Variants in CTNNA3 observed in about 807,000 individuals in gnomAD.
CTNNA3 encodes catenin alpha 3.
In CTNNA3, 76 loss-of-function variants were observed where a neutral mutation model predicts 95.7. The observed-to-expected ratio is 0.79, with a 90% CI of 0.66 to 0.96. The LOEUF (loss-of-function observed/expected upper bound fraction) is 0.96, where lower values mean the gene tolerates loss of function less well. Among genes scored for constraint, CTNNA3 ranks in the 40% least tolerant of loss-of-function variants. The pLI is 0.00. For missense variants in CTNNA3, 1,191 were observed against 1,089.8 expected (o/e 1.09, Z -1.31); for synonymous variants, 431 against 374.4 (o/e 1.15, Z -1.74).
intron 7 of CTNNA3, among the ~76,000 whole-genome samples, chr10:67,114,709 G>GGGGTGTGTGTGTGTGTGTGTGT (rs1554924160): frequency 6.9e-6 from 1 of 144,754 alleles, no homozygotes; most frequent in Non-Finnish European, 1.5e-5. Flanking sequence ...GGTTCTTAAA[G>GGGGTGTGTGTGTGTGTGTGTGT]GTGTGTGTGT....
chr10:67,275,531 C>T (rs748529472), intron 5 of CTNNA3, among the ~76,000 whole-genome samples: 33 of 150,516 alleles, frequency 2.2e-4, no homozygotes, highest in African/African-American at 6.3e-4. Context: ...TATAAAAAAC[C>T]GAAGAAATTG....
At chr10:66,710,815 A>T (rs937970185) in intron 9 of CTNNA3, among the ~76,000 whole-genome samples, 1 of 151,588 alleles carries the variant, frequency 6.6e-6, no homozygotes, top group African/African-American at 2.4e-5. Context: ...TTATAATTCA[A>T]CATTGAAACA....
In CTNNA3 at chr10:66,608,881, A is replaced by C. The variant is rs144844881; in HGVS notation, c.1374+12811T>G. 1.2e-3 allele frequency among the ~76,000 whole-genome samples: 184 copies of C among 152,306 alleles called. 1 individual carries two copies. Among genetic ancestry groups the C allele is most frequent in the African/African-American group, 4.0e-3 (166 of 41,582 alleles). ...TACCATGTTGGACACAGGAATGGGC[A>C]AAGATTTCATGACAAAGACACTAAA... On this transcript the variant is annotated intron_variant, in intron 10 of 17. Coordinates refer to ENST00000433211, the MANE Select transcript of CTNNA3 (RefSeq NM_013266.4).
At chr10:65,925,639 A>G (rs1322611062) in intron 17 of CTNNA3, among the ~76,000 whole-genome samples, 1 of 151,846 alleles carries the variant, frequency 6.6e-6, no homozygotes, top group Non-Finnish European at 1.5e-5. Flanking sequence ...TTTTCACCAT[A>G]TTGGCTAGGT....
At chr10:66,198,365 T>C (rs1430251607) in intron 13 of CTNNA3, among the ~76,000 whole-genome samples, 2 of 152,170 alleles carry the variant, frequency 1.3e-5, no homozygotes, top group Non-Finnish European at 2.9e-5. Context: ...GTTTTGCAAA[T>C]TCTTTCATGG....
chr10:66,803,648 T>C (rs1389390619), intron 7 of CTNNA3, among the ~76,000 whole-genome samples: 1 of 152,014 alleles, frequency 6.6e-6, no homozygotes, highest in Non-Finnish European at 1.5e-5. Context: ...CTTGCATAAA[T>C]ATCTCATTTA....
chr10:66,040,376 G>A (rs1202304147), intron 15 of CTNNA3, among the ~76,000 whole-genome samples: 1 of 152,000 alleles, frequency 6.6e-6, no homozygotes, highest in Non-Finnish European at 1.5e-5. Context: ...CCATTACTGG[G>A]TAAATACTCA....
Position 66,927,575 on chromosome 10 carries a change from T to C in CTNNA3, c.1048-152051A>G. 1 of 1,614,164 alleles carries C rather than the reference T, an allele frequency of 6.2e-7. No homozygotes were observed. The highest frequency in any genetic ancestry group is 8.5e-7 in the Non-Finnish European group (1 of 1,180,042). On this transcript the variant is annotated intron_variant, in intron 7 of 17. Coordinates refer to ENST00000433211, the MANE Select transcript of CTNNA3 (RefSeq NM_013266.4). This position sits in a 1 kb window ranked among gnomAD's most constrained non-coding sequence, Gnocchi z 4.7. ...CTGGAGCACAATCAATTTTCCAAGC[T>C]CAACCTGGCCCTTTTTCCAAGGTTG...
chr10:66,736,831 G>T (rs952161250), intron 9 of CTNNA3, among the ~76,000 whole-genome samples: 1 of 152,000 alleles, frequency 6.6e-6, no homozygotes. Flanking sequence ...ATAGATTTAG[G>T]TTGCTTATAT....
chr10:66,146,376 GATACTTT>G (rs1489421528), intron 13 of CTNNA3, among the ~76,000 whole-genome samples: 2 of 152,108 alleles, frequency 1.3e-5, no homozygotes, highest in Non-Finnish European at 2.9e-5. Context: ...CTGAGTAATA[GATACTTT>G]ATTTAACAGG....
intron 17 of CTNNA3, among the ~76,000 whole-genome samples, chr10:65,932,531 C>A (rs1230885598): frequency 6.6e-6 from 1 of 152,096 alleles, no homozygotes; most frequent in East Asian, 1.9e-4. Context: ...AATTTCAGTG[C>A]CTTGCCCAAG....
intron 12 of CTNNA3, among the ~76,000 whole-genome samples, chr10:66,340,550 A>G (rs1477709869): frequency 6.6e-6 from 1 of 151,862 alleles, no homozygotes; most frequent in Non-Finnish European, 1.5e-5. Context: ...AGGAGCCTAT[A>G]CTATTTACAT....
At chr10:67,370,723 G>T (rs1031356396) in intron 5 of CTNNA3, among the ~76,000 whole-genome samples, 3 of 152,070 alleles carry the variant, frequency 2.0e-5, no homozygotes. Context: ...CATATTTTCT[G>T]TGGATAAGGA....
At chr10:67,319,278 CTT>C (rs1841204410) in intron 5 of CTNNA3, among the ~76,000 whole-genome samples, 2 of 152,116 alleles carry the variant, frequency 1.3e-5, no homozygotes, top group African/African-American at 2.4e-5. Flanking sequence ...TCCCTTTTCT[CTT>C]TGTGGATCTC....
chr10:66,521,411 G>A (rs974397791), intron 10 of CTNNA3, among the ~76,000 whole-genome samples: 1 of 151,930 alleles, frequency 6.6e-6, no homozygotes, highest in African/African-American at 2.4e-5. Context: ...GGTGAGAAAT[G>A]GATGCCTTTA....
chr10:67,027,754 G>A (rs1423704030), intron 7 of CTNNA3, among the ~76,000 whole-genome samples: 1 of 152,022 alleles, frequency 6.6e-6, no homozygotes, highest in Non-Finnish European at 1.5e-5. Flanking sequence ...TTGTCCATAG[G>A]TATTTCTGAG....
chr10:67,503,445 A>AT (rs903657539), intron 5 of CTNNA3, among the ~76,000 whole-genome samples: 15 of 151,394 alleles, frequency 9.9e-5, no homozygotes, highest in Middle Eastern at 3.4e-3. Context: ...TATCTTAACT[A>AT]TTTTTTTTTA....
At chr10:66,142,309 G>A (rs2083660380) in intron 13 of CTNNA3, among the ~76,000 whole-genome samples, 1 of 152,064 alleles carries the variant, frequency 6.6e-6, no homozygotes, top group Non-Finnish European at 1.5e-5. Flanking sequence ...TCAGTGGTCA[G>A]CTGGCTTTAT....
At chr10:67,132,346 T>C (rs1260508529) in intron 7 of CTNNA3, among the ~76,000 whole-genome samples, 1 of 152,080 alleles carries the variant, frequency 6.6e-6, no homozygotes, top group Non-Finnish European at 1.5e-5. Flanking sequence ...CGGTAGGTTA[T>C]ATGCACTTAG....
Sources: allele counts gnomAD v4.1 joint callset (sites outside exome capture counted in the v4.1 genomes callset), GRCh38; gene constraint gnomAD v4.1.1; non-coding constraint Gnocchi (gnomAD v3.1); transcripts MANE v1.5; gene names NCBI Gene and HGNC (gene_info 2026-07-23, HGNC 2026-07-21).